ZNF280D: variants seen among roughly 807,000 people sequenced by gnomAD.
ZNF280D encodes the protein suppressor of hairy wing homolog 4.
Under a neutral mutation model 94.7 loss-of-function variants are expected in ZNF280D, and 39 were observed. The ratio of observed to expected loss-of-function variants is 0.41; its 90% CI spans 0.32 to 0.54. ZNF280D has a LOEUF of 0.54. Ranked by LOEUF, ZNF280D falls within the 20% of genes least tolerant of loss-of-function variation. The pLI is 0.22. For missense variants in ZNF280D, 1,090 were observed against 1,149.3 expected, an observed-to-expected ratio of 0.95 and a Z score of 0.75; for synonymous variants, 398 against 377.6, an observed-to-expected ratio of 1.05 and a Z score of -0.63.
At chr15:56,700,580 T>C (rs2057003107) in intron 6 of ZNF280D, 4 of 1,132,850 alleles carry the variant, frequency 3.5e-6, no homozygotes, top group Non-Finnish European at 4.3e-6. Context: ...GATGGTCACT[T>C]GACTGTTTTC....
chr15:56,719,160 C>T (rs1401583449), intron 1 of ZNF280D, among the ~76,000 whole-genome samples: 2 of 152,148 alleles, frequency 1.3e-5, no homozygotes, highest in Admixed American at 6.5e-5. Context: ...CTGCTACAGT[C>T]TGAATGTTTG....
chr15:56,632,061 C>G lies in ZNF280D; in HGVS notation c.2377G>C (p.Gly793Arg). ...TCTTCACTTTTTGTTGTTGATGAGC[C>G]TTCAAATGAATTTGCATTACATCCA... Reference protein sequence around the residue: ...KNGCNANSFEGSSTTKSEESI... With the variant: ...KNGCNANSFERSSTTKSEESI... The change falls in exon 22 of 22, where the codon GGC (glycine) becomes CGC (arginine). Residue 793 changes from glycine to arginine, a missense_variant. Physicochemically the swap from Gly to Arg is moderately radical, Grantham distance 125. Around this residue, in one of 3 missense-constraint regions of ZNF280D, gnomAD observed 577 missense variants for 568.8 expected, o/e 1.01. Coordinates refer to ENST00000267807, the MANE Select transcript of ZNF280D (RefSeq NM_017661.4). 1 of 1,606,938 alleles carries G rather than the reference C, an allele frequency of 6.2e-7. No homozygotes were observed. Among genetic ancestry groups the G allele is most frequent in the Non-Finnish European group, 8.5e-7 (1 of 1,176,934 alleles).
chr15:56,641,093 C>T (rs1274950724), intron 20 of ZNF280D, among the ~76,000 whole-genome samples: 1 of 151,972 alleles, frequency 6.6e-6, no homozygotes, highest in Non-Finnish European at 1.5e-5. Context: ...AAGCACTGCC[C>T]TCATAATTAT....
chr15:56,686,325 G>A (rs892258077), intron 9 of ZNF280D, among the ~76,000 whole-genome samples: 9 of 152,154 alleles, frequency 5.9e-5, no homozygotes, highest in African/African-American at 2.2e-4. Context: ...TTTTAGTAGA[G>A]ATGGGGTTTC....
intron 1 of ZNF280D, among the ~76,000 whole-genome samples, chr15:56,717,067 AAAATT>A (rs2058087614): frequency 6.6e-6 from 1 of 152,178 alleles, no homozygotes; most frequent in Non-Finnish European, 1.5e-5. Context: ...TGGCTTGGCT[AAAATT>A]ACATGCCCTT....
Position 56,683,973 on chromosome 15 carries a change from T to C in ZNF280D, c.781-1496A>G, listed in dbSNP as rs2055820427. 2.0e-5 allele frequency among the ~76,000 whole-genome samples: 3 copies of C among 152,154 alleles called. No homozygotes were observed. In the South Asian group the frequency reaches 6.2e-4, roughly 32 times the overall value. On this transcript the variant is annotated intron_variant, in intron 9 of 21. Transcript: ENST00000267807. ...CTTAAAGGGTCAGTAAAAATACACA[T>C]CTTAAAGGTGAAACACATATTCTGA...
chr15:56,647,404 G>A (rs1367726939), intron 19 of ZNF280D, among the ~76,000 whole-genome samples: 2 of 152,134 alleles, frequency 1.3e-5, no homozygotes, highest in Admixed American at 6.5e-5. Context: ...TTCTTTGAGG[G>A]AAAAATAAAT....
intron 14 of ZNF280D, among the ~76,000 whole-genome samples, chr15:56,668,428 A>C (rs12592389): frequency 0.59 from 88,839 of 151,824 alleles, 26,270 homozygotes; most frequent in Non-Finnish European, 0.63. Flanking sequence ...GAACTTATGG[A>C]ACTCAAGGCA....
chr15:56,659,941 C>T (rs965116031), intron 16 of ZNF280D, among the ~76,000 whole-genome samples: 4 of 151,750 alleles, frequency 2.6e-5, no homozygotes, highest in Non-Finnish European at 5.9e-5. Flanking sequence ...TATTCCTACC[C>T]AACTATCTGC....
intron 1 of ZNF280D, among the ~76,000 whole-genome samples, chr15:56,713,970 G>A (rs1464221465): frequency 6.6e-6 from 1 of 152,102 alleles, no homozygotes; most frequent in Non-Finnish European, 1.5e-5. Context: ...AATTAAAGGA[G>A]AGACCTATGA....
chr15:56,700,532 C>A (rs1310024714), intron 6 of ZNF280D: 146 of 1,034,108 alleles, frequency 1.4e-4, no homozygotes, highest in Non-Finnish European at 1.6e-4. Context: ...TTTTAACTAA[C>A]TGAACTATGA....
chr15:56,719,366 A>G (rs1239060633), intron 1 of ZNF280D, among the ~76,000 whole-genome samples: 1 of 151,338 alleles, frequency 6.6e-6, no homozygotes, highest in African/African-American at 2.4e-5. Flanking sequence ...CCAAAAAAAA[A>G]GCCTGGCACC....
At chr15:56,667,229 T>A (rs1320645187) in intron 14 of ZNF280D, among the ~76,000 whole-genome samples, 1 of 152,168 alleles carries the variant, frequency 6.6e-6, no homozygotes, top group Non-Finnish European at 1.5e-5. Flanking sequence ...TATCAGTGAA[T>A]AATTAGGAGT....
chr15:56,632,074 T>G lies in ZNF280D; in HGVS notation c.2364A>C (p.Ala788=). The G allele has an allele frequency of 6.2e-7, 1 of 1,600,568 alleles. No individual in the cohort carries two copies. The highest frequency in any genetic ancestry group is 8.5e-7 in the Non-Finnish European group (1 of 1,174,222). The change falls in exon 22 of 22, where the codon GCA becomes GCC. Residue 788 remains alanine (A), a synonymous_variant. Coordinates refer to ENST00000267807, the MANE Select transcript of ZNF280D (RefSeq NM_017661.4). ...ASSKEKNGCN[A]NSFEGSSTTK... is the part of the protein sequence containing the mutation. ...TTGTTGATGAGCCTTCAAATGAATTTGCATTACATCCATTTTTTTCTTTTG... is the reference window on the plus strand; with the variant it reads ...TTGTTGATGAGCCTTCAAATGAATTGGCATTACATCCATTTTTTTCTTTTG...
At chr15:56,685,175 G>C (rs1349012087) in intron 9 of ZNF280D, among the ~76,000 whole-genome samples, 1 of 152,076 alleles carries the variant, frequency 6.6e-6, no homozygotes, top group Non-Finnish European at 1.5e-5. Context: ...CTTTGAACAT[G>C]AACGACCTCA....
At chr15:56,643,268 T>C in intron 19 of ZNF280D, 1 of 233,208 alleles carries the variant, frequency 4.3e-6, no homozygotes, top group Non-Finnish European at 8.3e-6. Context: ...AATGTTCTCT[T>C]TGCTAAGTAC....
intron 1 of ZNF280D, among the ~76,000 whole-genome samples, chr15:56,713,846 T>C (rs1378878480): frequency 2.6e-5 from 4 of 152,104 alleles, no homozygotes; most frequent in East Asian, 1.9e-4. Flanking sequence ...TTATGGAAAA[T>C]TGGAAATTAC....
chr15:56,695,490 T>C (rs1377186760), intron 6 of ZNF280D, among the ~76,000 whole-genome samples: 1 of 151,846 alleles, frequency 6.6e-6, no homozygotes, highest in South Asian at 2.1e-4. Context: ...TGTCTAACAA[T>C]GGAGAAATGA....
At chr15:56,733,027 G>A (rs1223442261) in intron 1 of ZNF280D, 1 of 152,418 alleles carries the variant, frequency 6.6e-6, no homozygotes, top group East Asian at 1.9e-4. Flanking sequence ...TCCTACGACT[G>A]AAGAGACACG....
Sources: gnomAD v4.1 joint callset for allele counts (sites outside exome capture counted in the v4.1 genomes callset) on GRCh38, gnomAD v4.1.1 for gene constraint, gnomAD v4.1.1 regional missense constraint, MANE v1.5 for transcripts, NCBI Gene and HGNC (gene_info 2026-07-23, HGNC 2026-07-21) for gene names.